Variants in NT5DC3 observed in about 807,000 individuals in gnomAD.
NT5DC3 encodes the protein 5'-nucleotidase domain containing 3.
Under a neutral mutation model 67.8 loss-of-function variants are expected in NT5DC3, and 42 were observed. That is an observed-to-expected ratio of 0.62 (90% confidence interval 0.48 to 0.80). The LOEUF is 0.80. Ranked by LOEUF, NT5DC3 falls within the 30% of genes least tolerant of loss-of-function variation. The pLI is 0.00. For missense variants in NT5DC3, 570 were observed against 696.4 expected (o/e 0.82, Z 2.04); for synonymous variants, 237 against 255.6 (o/e 0.93, Z 0.69).
At chr12:103,814,126 C>T (rs551174234) in intron 2 of NT5DC3, among the ~76,000 whole-genome samples, 78 of 152,208 alleles carry the variant, frequency 5.1e-4, no homozygotes, top group Non-Finnish European at 9.3e-4. Flanking sequence ...TGGTTCTCCA[C>T]GGGCAATGCC....
At chr12:103,780,218 G>GC (rs1885491665) in intron 13 of NT5DC3, 82 bp downstream of exon 13, 1 of 1,164,826 alleles carries the variant, frequency 8.6e-7, no homozygotes, top group Admixed American at 1.7e-5. Context: ...TATGCCTCAG[G>GC]CTGGCCCTGG....
chr12:103,814,527 G>A (rs1887165467), intron 2 of NT5DC3, among the ~76,000 whole-genome samples: 1 of 152,118 alleles, frequency 6.6e-6, no homozygotes, highest in Non-Finnish European at 1.5e-5. Context: ...TCAGAAGAAA[G>A]ACATTCAAAT....
chr12:103,768,735 T>C (rs1307937896), downstream of NT5DC3: 1 of 149,782 alleles, frequency 6.7e-6, no homozygotes, highest in Non-Finnish European at 1.5e-5. Context: ...CTCCCTTACT[T>C]AATAGTTAAG....
chr12:103,788,976 T>G, intron 9 of NT5DC3, 57 bp from the exon 10 acceptor site: 2 of 1,147,372 alleles, frequency 1.7e-6, no homozygotes, highest in Non-Finnish European at 2.6e-6. Flanking sequence ...GTCTGCTCTA[T>G]GAAATACCAG....
At chr12:103,808,036 C>G (rs1204846506) in intron 2 of NT5DC3, among the ~76,000 whole-genome samples, 2 of 152,196 alleles carry the variant, frequency 1.3e-5, no homozygotes, top group East Asian at 3.8e-4. Context: ...TATTATCAAG[C>G]CATTCCTCAC....
At chr12:103,788,817 G>A (rs759114953) in intron 10 of NT5DC3, 21 bp downstream of exon 10, 1 of 1,532,310 alleles carries the variant, frequency 6.5e-7, no homozygotes. Flanking sequence ...CAACAAAAAG[G>A]ATCAGCTGGT....
the NT5DC3 span, chr12:103,758,211 A>G: frequency 4.3e-6 from 7 of 1,614,152 alleles, no homozygotes; most frequent in Non-Finnish European, 4.2e-6. Flanking sequence ...GAGGCCGTGC[A>G]TTTCTAGAAC....
intron 1 of NT5DC3, among the ~76,000 whole-genome samples, chr12:103,826,436 G>A (rs1037489768): frequency 2.6e-5 from 4 of 152,242 alleles, no homozygotes; most frequent in Non-Finnish European, 5.9e-5. Context: ...GAGGGCAGAA[G>A]ATTCAGTGTG....
intron 11 of NT5DC3, chr12:103,785,750 GTAAAAAAA>G (rs1566100922): frequency 3.6e-6 from 1 of 278,134 alleles, no homozygotes; most frequent in Admixed American, 5.3e-5. Context: ...ACCATGGTCT[GTAAAAAAA>G]AAAAAAAAAA....
At chr12:103,798,805 C>A (rs1174124209) in intron 4 of NT5DC3, 128 bp from the exon 5 acceptor site, 5 of 641,210 alleles carry the variant, frequency 7.8e-6, no homozygotes, top group Admixed American at 2.8e-5. Flanking sequence ...GCAAAATGTG[C>A]CACAAGTAAA....
the NT5DC3 span, chr12:103,762,412 A>T: frequency 6.2e-7 from 1 of 1,614,148 alleles, no homozygotes; most frequent in Non-Finnish European, 8.5e-7. Context: ...GGTAAGAGAG[A>T]AAAATGGGAA....
intron 4 of NT5DC3, among the ~76,000 whole-genome samples, chr12:103,800,381 C>A (rs1023025141): frequency 6.6e-6 from 1 of 152,260 alleles, no homozygotes; most frequent in Non-Finnish European, 1.5e-5. Flanking sequence ...GAGGCAGTGA[C>A]CTTGGAAATC....
rs151205594 is a variant in NT5DC3, at chr12:103,792,713, G to T, written c.1019+451C>A. On this transcript the variant is annotated intron_variant, in intron 9 of 13. Coordinates refer to ENST00000392876, the MANE Select transcript of NT5DC3 (RefSeq NM_001031701.3). ...AAGACGTAATAGAGATTTACTGCAC[G>T]TGATGCAAAACCTGTGTTGCAGAGC... 1.3e-3 allele frequency among the ~76,000 whole-genome samples: 200 copies of T among 152,286 alleles called. 1 individual carries two copies. Among genetic ancestry groups the T allele is most frequent in the Admixed American group, 3.1e-3 (48 of 15,294 alleles).
At chr12:103,822,889 T>TATTA (rs1348702216) in intron 1 of NT5DC3, among the ~76,000 whole-genome samples, 2 of 152,186 alleles carry the variant, frequency 1.3e-5, no homozygotes, top group Non-Finnish European at 2.9e-5. Context: ...GTTGCATTGA[T>TATTA]ATTAATAAAG....
chr12:103,755,344 C>A, the NT5DC3 span: 2 of 1,613,976 alleles, frequency 1.2e-6, no homozygotes, highest in African/African-American at 1.3e-5. Context: ...GGAGACCGGG[C>A]GGGTTGCCTA....
rs1226592835 is a variant in NT5DC3 at position 103,815,008 on chromosome 12, C to T, written c.322G>A (p.Val108Met). Residue 108 changes from valine to methionine, a missense_variant, in exon 2 of 14, where the codon GTG becomes ATG. Transcript: ENST00000392876. The part of the protein sequence containing the change: ...IYGFDYDYTL[V>M]FYSKHLHTLI... ...GTGTGGAGGTGCTTTGAATAAAACA[C>T]CAAGGTGTAATCATAATCGAAGCCA... 1.2e-6 allele frequency: 2 copies of T among 1,613,504 alleles called. No homozygotes were observed. Among genetic ancestry groups the T allele is most frequent in the Non-Finnish European group, 1.7e-6 (2 of 1,179,712 alleles).
intron 2 of NT5DC3, among the ~76,000 whole-genome samples, chr12:103,810,329 T>C (rs2139404839): frequency 6.6e-6 from 1 of 152,190 alleles, no homozygotes; most frequent in African/African-American, 2.4e-5. Flanking sequence ...ACACACAGCA[T>C]CAGTAGAACA....
chr12:103,829,672 C>T (rs1887841924), intron 1 of NT5DC3, among the ~76,000 whole-genome samples: 1 of 152,042 alleles, frequency 6.6e-6, no homozygotes, highest in Non-Finnish European at 1.5e-5. Context: ...CTTGCTTTTT[C>T]TGTGTCTTTT....
At chr12:103,756,251 A>G in the NT5DC3 span, among the ~76,000 whole-genome samples, 13 of 152,244 alleles carry the variant, frequency 8.5e-5, no homozygotes, top group Non-Finnish European at 1.8e-4. Context: ...TATCCAGCGA[A>G]GAGAAAGCCT....
Sources: allele counts gnomAD v4.1 joint callset (sites outside exome capture counted in the v4.1 genomes callset), GRCh38; gene constraint gnomAD v4.1.1; transcripts MANE v1.5; gene names NCBI Gene and HGNC (gene_info 2026-07-23, HGNC 2026-07-21).